The following NBAS variants were observed in gnomAD, a reference collection of about 807,000 sequenced individuals.
The protein encoded by NBAS is NBAS subunit of NRZ tethering complex, also known as NAG/BC035112 fusion.
NBAS carries 219 observed loss-of-function variants against 302.5 expected under a neutral mutation model. The ratio of observed to expected loss-of-function variants is 0.72; its 90% confidence interval spans 0.65 to 0.81. The LOEUF is 0.81. Ranked by LOEUF, NBAS falls within the 30% of genes least tolerant of loss-of-function variation. The probability of loss-of-function intolerance (pLI) is 0.00; values close to 1 mark genes in which losing one functional copy is unlikely to be tolerated. For synonymous variants in NBAS, 1,118 were observed against 1,021.6 expected, an observed-to-expected ratio of 1.09 and a Z score of -1.80; for missense variants, 2,932 against 2,841.6, an observed-to-expected ratio of 1.03 and a Z score of -0.72.
the NBAS span, among the ~76,000 whole-genome samples, chr2:15,117,037 A>T: frequency 6.6e-6 from 1 of 152,246 alleles, no homozygotes; most frequent in Admixed American, 6.5e-5. Context: ...TTTTCAATGC[A>T]ATGCTTCACA....
the NBAS span, among the ~76,000 whole-genome samples, chr2:14,949,944 T>A: frequency 1.6e-4 from 25 of 152,228 alleles, no homozygotes; most frequent in African/African-American, 6.0e-4. Context: ...TAAGAACATA[T>A]GGTTTGATGG....
chr2:15,168,431 T>C (rs112159468), intron 51 of NBAS, among the ~76,000 whole-genome samples: 51 of 152,164 alleles, frequency 3.4e-4, no homozygotes, highest in Admixed American at 4.6e-4. Flanking sequence ...CACTATCGGA[T>C]AGCGTGAATC....
chr2:14,855,434 C>T, the NBAS span, among the ~76,000 whole-genome samples: 1 of 151,846 alleles, frequency 6.6e-6, no homozygotes, highest in African/African-American at 2.4e-5. Context: ...AAGATTGCTA[C>T]AGGGAGACAG....
chr2:15,394,419 G>A, intron 27 of NBAS, 70 bp from the exon 28 acceptor site: 4 of 1,538,864 alleles, frequency 2.6e-6, no homozygotes, highest in Non-Finnish European at 3.6e-6. Flanking sequence ...CTTAGGCATA[G>A]AGGTAGCCCT....
the NBAS span, among the ~76,000 whole-genome samples, chr2:15,160,014 T>C: frequency 6.6e-6 from 1 of 152,194 alleles, no homozygotes; most frequent in Non-Finnish European, 1.5e-5. Flanking sequence ...TTAGCTATAT[T>C]GCATGTTATG....
rs542257167 is a variant in NBAS, at chr2:15,236,280, G to C, written c.5944-1533C>G. 5.3e-5 allele frequency among the ~76,000 whole-genome samples: 8 copies of C among 152,060 alleles called. No individual in the cohort carries two copies. The East Asian group carries it at 1.5e-3, about 29-fold the overall frequency. On this transcript the variant is annotated intron_variant, in intron 45 of 51. Transcript: ENST00000281513. ...TTCTAGGTATTGGAAGACAATACTT[G>C]TGGCTGGGTGAAGTGGCTCAGACCT...
At chr2:15,298,411 G>A (rs1670648338) in intron 40 of NBAS, among the ~76,000 whole-genome samples, 1 of 152,144 alleles carries the variant, frequency 6.6e-6, no homozygotes, top group African/African-American at 2.4e-5. Flanking sequence ...AAACACAGGA[G>A]TTGGCATCAA....
At position 15,504,152 on chromosome 2, in the gene NBAS, T is replaced by C. The variant is rs1661728766; in HGVS notation, c.947A>G (p.Gln316Arg). 24 of 1,613,184 alleles carry C rather than the reference T, an allele frequency of 1.5e-5. No individual in the cohort carries two copies. The highest frequency in any genetic ancestry group is 2.0e-5 in the Non-Finnish European group (24 of 1,179,170). ...LSVKFYSRQGQEQDGIFKMSL... is the reference protein window; with the variant it reads ...LSVKFYSRQGREQDGIFKMSL... Reference sequence around the variant, plus strand: ...TAAGCCAATTTGTGTTACCTGTTCTTGTCCCTGGCGACTGTAAAACTTGAC... The same window carrying C: ...TAAGCCAATTTGTGTTACCTGTTCTCGTCCCTGGCGACTGTAAAACTTGAC... Residue 316 changes from glutamine (Q) to arginine (R), a missense_variant, in exon 11 of 52, where the codon CAA (glutamine) becomes CGA (arginine). Coordinates refer to ENST00000281513, the MANE Select transcript of NBAS (RefSeq NM_015909.4).
At chr2:15,341,075 T>C (rs752265699) in intron 35 of NBAS, among the ~76,000 whole-genome samples, 1 of 152,116 alleles carries the variant, frequency 6.6e-6, no homozygotes, top group African/African-American at 2.4e-5. Context: ...AATAATATTA[T>C]GGTATTTCCT....
At chr2:15,038,396 C>T in the NBAS span, among the ~76,000 whole-genome samples, 1 of 152,172 alleles carries the variant, frequency 6.6e-6, no homozygotes, top group Non-Finnish European at 1.5e-5. Flanking sequence ...CAAGCACGAG[C>T]CACCACGCCC....
the NBAS span, among the ~76,000 whole-genome samples, chr2:14,999,959 G>A: frequency 6.6e-6 from 1 of 152,196 alleles, no homozygotes; most frequent in South Asian, 2.1e-4. Flanking sequence ...ACAAATGACA[G>A]TGTGAACTTT....
At chr2:15,067,796 TTTG>T in the NBAS span, among the ~76,000 whole-genome samples, 1 of 152,134 alleles carries the variant, frequency 6.6e-6, no homozygotes, top group Non-Finnish European at 1.5e-5. Context: ...CAATCACAAA[TTTG>T]TTAAGAGAGT....
In NBAS at chr2:15,527,849, C is replaced by T. The variant is rs1271145425; in HGVS notation, c.746+6694G>A. 4.6e-5 allele frequency among the ~76,000 whole-genome samples: 7 copies of T among 152,126 alleles called. No individual in the cohort carries two copies. The South Asian group carries it at 1.0e-3, about 23-fold the overall frequency. ...TAAGATAATGAGTAGGTGCTTGTTA[C>T]GTGTGGCGTGAACCAGTACCTGATC... is the stretch of plus-strand genomic sequence containing the variant. On this transcript the variant is annotated intron_variant, in intron 9 of 51. Transcript: ENST00000281513.
intron 44 of NBAS, among the ~76,000 whole-genome samples, chr2:15,256,037 A>G (rs543436750): frequency 4.0e-5 from 6 of 150,632 alleles, no homozygotes; most frequent in African/African-American, 1.5e-4. Context: ...GGCTATGAAG[A>G]CTCTTTTTGG....
the NBAS span, among the ~76,000 whole-genome samples, chr2:15,050,732 C>A: frequency 1.3e-5 from 2 of 152,170 alleles, no homozygotes; most frequent in African/African-American, 2.4e-5. Context: ...CAGGCCCCAG[C>A]CCTGGGTGCC....
chr2:15,557,840 C>T (rs1227300269), intron 2 of NBAS, among the ~76,000 whole-genome samples: 1 of 152,166 alleles, frequency 6.6e-6, no homozygotes, highest in Non-Finnish European at 1.5e-5. Flanking sequence ...GGCACCAGCT[C>T]AGTAAACCTA....
intron 21 of NBAS, among the ~76,000 whole-genome samples, chr2:15,436,316 T>C (rs964555919): frequency 6.6e-6 from 1 of 152,202 alleles, no homozygotes; most frequent in Non-Finnish European, 1.5e-5. Flanking sequence ...ATTATTTGTA[T>C]ACATATATTT....
intron 3 of NBAS, among the ~76,000 whole-genome samples, chr2:15,555,625 A>G (rs1664609828): frequency 6.6e-6 from 1 of 152,206 alleles, no homozygotes; most frequent in African/African-American, 2.4e-5. Flanking sequence ...CCATAAACTC[A>G]AGAGCACAAA....
chr2:15,452,074 T>C (rs1044586682), intron 21 of NBAS, among the ~76,000 whole-genome samples: 12 of 151,806 alleles, frequency 7.9e-5, no homozygotes, highest in Admixed American at 2.6e-4. Flanking sequence ...GTCAGATTCA[T>C]TGAGATACAA....
Sources: gnomAD v4.1 joint callset for allele counts (sites outside exome capture counted in the v4.1 genomes callset) on GRCh38, gnomAD v4.1.1 for gene constraint, MANE v1.5 for transcripts, NCBI Gene and HGNC (gene_info 2026-07-23, HGNC 2026-07-21) for gene names.